Variants in FAM135B observed in about 807,000 individuals in gnomAD.
FAM135B encodes family with sequence similarity 135 member B, also known as protein FAM135B.
In FAM135B, 43 loss-of-function variants were observed where a neutral mutation model predicts 127.7. The ratio of observed to expected loss-of-function variants is 0.34; its 90% CI spans 0.26 to 0.43. FAM135B has a LOEUF of 0.43. Ranked by LOEUF, FAM135B falls within the 20% of genes least tolerant of loss-of-function variation. The pLI, the probability that FAM135B is intolerant of heterozygous loss-of-function variation, is 1.00. For synonymous variants in FAM135B, 670 were observed against 665.1 expected (o/e 1.01, Z -0.11); for missense variants, 1,558 against 1,725.6 (o/e 0.90, Z 1.72).
chr8:138,416,340 T>C (rs1834149196), intron 1 of FAM135B, among the ~76,000 whole-genome samples: 1 of 152,224 alleles, frequency 6.6e-6, no homozygotes, highest in African/African-American at 2.4e-5. Flanking sequence ...GATATTAATG[T>C]TGTCACCTCC....
intron 1 of FAM135B, among the ~76,000 whole-genome samples, chr8:138,465,865 C>T (rs1429201284): frequency 8.5e-5 from 13 of 152,088 alleles, no homozygotes; most frequent in Admixed American, 4.6e-4. Context: ...CTGCAACCTC[C>T]GCCTCCCAGG....
At chr8:138,216,885 G>T (rs949319893) in intron 7 of FAM135B, among the ~76,000 whole-genome samples, 1 of 152,198 alleles carries the variant, frequency 6.6e-6, no homozygotes, top group East Asian at 1.9e-4. Flanking sequence ...AACGAGGCAT[G>T]AGGACACATA....
At chr8:138,169,305 A>G (rs947019143) in intron 11 of FAM135B, among the ~76,000 whole-genome samples, 46 of 151,658 alleles carry the variant, frequency 3.0e-4, no homozygotes, top group Non-Finnish European at 1.9e-4. Context: ...GAATTCTCGG[A>G]ATATTTAACT....
At chr8:138,170,827 C>T (rs1820366961) in intron 11 of FAM135B, among the ~76,000 whole-genome samples, 1 of 152,072 alleles carries the variant, frequency 6.6e-6, no homozygotes, top group South Asian at 2.1e-4. Flanking sequence ...GGAAGATCTA[C>T]CCTTAATGTG....
chr8:138,216,483 T>C (rs116177708), intron 7 of FAM135B, among the ~76,000 whole-genome samples: 1,788 of 152,220 alleles, frequency 0.012, 42 homozygotes, highest in African/African-American at 0.04. Flanking sequence ...GGCATTGCAC[T>C]AATGGAGAAA....
chr8:138,390,915 T>C (rs968973394), intron 1 of FAM135B, among the ~76,000 whole-genome samples: 1 of 152,102 alleles, frequency 6.6e-6, no homozygotes, highest in Non-Finnish European at 1.5e-5. Flanking sequence ...TTGGAGAAGA[T>C]AGGAAGCAAC....
intron 11 of FAM135B, among the ~76,000 whole-genome samples, chr8:138,173,842 C>T (rs1395642359): frequency 6.6e-6 from 1 of 152,226 alleles, no homozygotes; most frequent in African/African-American, 2.4e-5. Flanking sequence ...ATTCATTCCT[C>T]AGCAAACTTT....
At chr8:138,272,873 G>T (rs1330313571) in intron 3 of FAM135B, among the ~76,000 whole-genome samples, 1 of 152,176 alleles carries the variant, frequency 6.6e-6, no homozygotes, top group Non-Finnish European at 1.5e-5. Context: ...TGAGTTAAAA[G>T]ACATGGGTTT....
Position 138,201,911 on chromosome 8 carries a change from A to G in FAM135B, c.670-4242T>C, listed in dbSNP as rs571924281. On this transcript the variant is annotated intron_variant, in intron 7 of 19. Coordinates refer to ENST00000395297, the MANE Select transcript of FAM135B (RefSeq NM_015912.4). ...GAGGCCGAGGCGGGCAGATCACAGG[A>G]GGTCGGGAGTTCGAGACCAGCCTTA... Among the ~76,000 whole-genome samples the G allele has an allele frequency of 4.5e-4, 69 of 152,118 alleles. No individual in the cohort carries two copies. The South Asian group carries it at 6.7e-3, about 15-fold the overall frequency.
rs548135762 is a variant in FAM135B, at chr8:138,211,750, T to C, written c.670-14081A>G. On this transcript the variant is annotated intron_variant, in intron 7 of 19. Transcript: ENST00000395297. ...GGATGTATATGCAGCACTTCTGCAA[T>C]CATTTATTGCCTCCACTATAAAATA... is the stretch of plus-strand genomic sequence containing the variant. Among the ~76,000 whole-genome samples the C allele has an allele frequency of 3.9e-5, 6 of 152,322 alleles. No homozygotes were observed. The South Asian group carries it at 1.2e-3, about 32-fold the overall frequency.
intron 1 of FAM135B, among the ~76,000 whole-genome samples, chr8:138,381,849 A>T (rs745972509): frequency 3.9e-5 from 6 of 152,142 alleles, no homozygotes; most frequent in Non-Finnish European, 8.8e-5. Context: ...GCCTGACAGA[A>T]TCCCACAGAG....
intron 2 of FAM135B, among the ~76,000 whole-genome samples, chr8:138,318,646 C>T (rs1827246345): frequency 6.6e-6 from 1 of 152,192 alleles, no homozygotes; most frequent in Non-Finnish European, 1.5e-5. Flanking sequence ...TTTCCTTTTC[C>T]CTGATACCCC....
rs1438518008 is a variant in FAM135B, at chr8:138,243,813, T to C, written c.543-745A>G. Among the ~76,000 whole-genome samples the C allele has an allele frequency of 1.3e-5, 2 of 152,224 alleles. No individual in the cohort carries two copies. The highest frequency in any genetic ancestry group is 2.9e-5 in the Non-Finnish European group (2 of 68,036). On this transcript the variant is annotated intron_variant, in intron 6 of 19. Coordinates refer to ENST00000395297, the MANE Select transcript of FAM135B (RefSeq NM_015912.4). This position sits in a 1 kb window ranked among gnomAD's most constrained non-coding sequence, Gnocchi z 7.5. ...TTCATCAATTGATATACCAGTAATGTTCACTTATACTCATATTCTTTTTTA... is the reference window on the plus strand; with the variant it reads ...TTCATCAATTGATATACCAGTAATGCTCACTTATACTCATATTCTTTTTTA...
intron 2 of FAM135B, among the ~76,000 whole-genome samples, chr8:138,350,346 C>A (rs992761839): frequency 1.6e-4 from 24 of 152,302 alleles, no homozygotes; most frequent in African/African-American, 4.8e-4. Context: ...AGGCAACCAA[C>A]CATTCCAACC....
rs143856834 is a variant in FAM135B, at chr8:138,371,476, A to C, written c.-19-3474T>G. On this transcript the variant is annotated intron_variant, in intron 1 of 19. Transcript: ENST00000395297. ...CTGGGTGCTGAAAAGACTGTCCAGG[A>C]AAGTCCGTTCTCTGCCTCTGTAGGA... Among the ~76,000 whole-genome samples the C allele has an allele frequency of 1.6e-3, 239 of 152,274 alleles. 1 individual carries two copies. The highest frequency in any genetic ancestry group is 3.4e-3 in the Middle Eastern group (1 of 294).
intron 2 of FAM135B, among the ~76,000 whole-genome samples, chr8:138,364,267 C>A (rs544781796): frequency 6.6e-6 from 1 of 152,242 alleles, no homozygotes; most frequent in South Asian, 2.1e-4. Context: ...ACACCCCCGG[C>A]AAATGCAGAA....
chr8:138,324,454 C>A (rs1209384843), intron 2 of FAM135B, among the ~76,000 whole-genome samples: 1 of 152,148 alleles, frequency 6.6e-6, no homozygotes, highest in East Asian at 1.9e-4. Context: ...TTTGCAGAAT[C>A]TTAAAAGTCC....
intron 9 of FAM135B, among the ~76,000 whole-genome samples, chr8:138,192,002 C>T (rs1345286103): frequency 6.6e-6 from 1 of 152,234 alleles, no homozygotes; most frequent in African/African-American, 2.4e-5. Flanking sequence ...AGCAGCCTCA[C>T]CCTGTTCTGC....
chr8:138,318,495 C>T (rs940269056), intron 2 of FAM135B, among the ~76,000 whole-genome samples: 1 of 152,112 alleles, frequency 6.6e-6, no homozygotes, highest in Admixed American at 6.5e-5. Flanking sequence ...TTGGTTGATC[C>T]CCCACAAATC....
Sources: gnomAD v4.1 joint callset for allele counts (sites outside exome capture counted in the v4.1 genomes callset) on GRCh38, gnomAD v4.1.1 for gene constraint, Gnocchi (gnomAD v3.1) non-coding constraint, MANE v1.5 for transcripts, NCBI Gene and HGNC (gene_info 2026-07-23, HGNC 2026-07-21) for gene names.